TGM7: variants seen among roughly 807,000 people sequenced by gnomAD.
TGM7 encodes protein-glutamine gamma-glutamyltransferase Z.
A neutral mutation model predicts 79.5 loss-of-function variants in TGM7; 74 were observed. That is an observed-to-expected ratio of 0.93 (90% CI 0.77 to 1.13). The LOEUF (loss-of-function observed/expected upper bound fraction) is 1.13. TGM7 is among the 50% of genes most tolerant of loss of function. TGM7 has a pLI of 0.00. For missense variants in TGM7, 912 were observed against 905.9 expected, an observed-to-expected ratio of 1.01 and a Z score of -0.09; for synonymous variants, 354 against 362.5, an observed-to-expected ratio of 0.98 and a Z score of 0.27.
At position 43,284,804 on chromosome 15, in the gene TGM7, T is replaced by A. The variant is rs374040587; in HGVS notation, c.1004+10A>T. On this transcript the variant is annotated intron_variant, in intron 7 of 12. Transcript: ENST00000452443. Reference sequence around the variant, plus strand: ...CAAAGCAGAGATCTGTTCAAGACAGTGCCTCTCACCATATTTTGTCTCGTT... The same window carrying A: ...CAAAGCAGAGATCTGTTCAAGACAGAGCCTCTCACCATATTTTGTCTCGTT... The A allele has an allele frequency of 1.5e-5, 24 of 1,614,056 alleles. 1 individual carries two copies. Among genetic ancestry groups the A allele is most frequent in the African/African-American group, 2.7e-5 (2 of 74,938 alleles).
chr15:43,284,893 CGTT>C lies in TGM7; in HGVS notation c.922_924del (p.Asn308del). ...GTATCGATGGTCAAGTTCCTATCCA[CGTT>C]GTGCGCGGAACGGAAATTGGAAACA... On this transcript the variant is annotated inframe_deletion, in exon 7 of 13. Transcript: ENST00000452443. 1 of 1,614,174 alleles carries C rather than the reference CGTT, an allele frequency of 6.2e-7. No individual in the cohort carries two copies. The highest frequency in any genetic ancestry group is 1.1e-5 in the South Asian group (1 of 91,076).
intron 1 of TGM7, among the ~76,000 whole-genome samples, chr15:43,293,857 T>G (rs1433380818): frequency 1.3e-3 from 16 of 12,002 alleles, no homozygotes; most frequent in South Asian, 5.0e-3. Context: ...GGGGGTGGGG[T>G]GTGCTGGGGA....
intron 8 of TGM7, 83 bp downstream of exon 8, chr15:43,282,434 T>A (rs1023019322): frequency 8.1e-7 from 1 of 1,242,022 alleles, no homozygotes; most frequent in African/African-American, 1.5e-5. Context: ...ACGCTGCTCC[T>A]CCCTGGTCTC....
Position 43,292,877 on chromosome 15 carries a change from C to T in TGM7, c.271G>A (p.Ala91Thr), listed in dbSNP as rs767198692. ...TRVQPGNVWS[A>T]SDFTIDSNSL... ...TTGGAGTCAATGGTGAAATCAGAAGCGCTCCAGACATTCCCGGGCTGGACC... is the reference window on the plus strand; with the variant it reads ...TTGGAGTCAATGGTGAAATCAGAAGTGCTCCAGACATTCCCGGGCTGGACC... The change falls in exon 3 of 13, where the codon GCT becomes ACT. Residue 91 changes from alanine (A) to threonine (T), a missense_variant. By Grantham distance (58) the Ala-to-Thr change is moderately conservative. Transcript: ENST00000452443. 48 of 1,613,858 alleles carry T rather than the reference C, an allele frequency of 3.0e-5. 1 individual carries two copies. In the South Asian group the frequency reaches 3.8e-4, roughly 13 times the overall value.
chr15:43,281,938 G>A lies in TGM7; in HGVS notation c.1257C>T (p.Ala419=). 1 of 1,614,176 alleles carries A rather than the reference G, an allele frequency of 6.2e-7. No individual in the cohort carries two copies. The highest frequency in any genetic ancestry group is 8.5e-7 in the Non-Finnish European group (1 of 1,180,032). The change falls in exon 9 of 13, where the codon GCC becomes GCT. Residue 419 remains alanine, a synonymous_variant. Coordinates refer to ENST00000452443, the MANE Select transcript of TGM7 (RefSeq NM_052955.3). The stretch of plus-strand genomic sequence containing the variant: ...CCTTCCCGATGGAACTGGTGTTGTG[G>A]GCCAGGATTTCCTGGGCCTGGCCAT... ...LGDGQAQEIL[A]HNTSSIGKEI... is the part of the protein sequence containing the mutation.
chr15:43,277,037 C>T lies in TGM7; in HGVS notation c.1840-42G>A, dbSNP rs200939176. 8 of 1,603,292 alleles carry T rather than the reference C, an allele frequency of 5.0e-6. No individual in the cohort carries two copies. The Admixed American group carries it at 6.8e-5, about 14-fold the overall frequency. ...CAGCAATCCCATGGGCAACTGGCCT[C>T]GCTTCTGCACTCTGGTTCAGTTACC... On this transcript the variant is annotated intron_variant, in intron 11 of 12. Coordinates refer to ENST00000452443, the MANE Select transcript of TGM7 (RefSeq NM_052955.3).
rs934035706 is a variant in TGM7, at chr15:43,279,122, T to C, written c.1834A>G (p.Ile612Val). 1.9e-6 allele frequency: 3 copies of C among 1,612,778 alleles called. No individual in the cohort carries two copies. The highest frequency in any genetic ancestry group is 1.3e-5 in the African/African-American group (1 of 74,848). Residue 612 changes from isoleucine (I) to valine (V), a missense_variant, in exon 11 of 13, where the codon ATT (isoleucine) becomes GTT (valine). Ile to Val is a conservative substitution (Grantham distance 29, BLOSUM62 3). Transcript: ENST00000452443. ...CACCCATGTCCAGACACTACCTCAATAGACAAGTGGGGAGGCTCCAGACAG... is the reference window on the plus strand; with the variant it reads ...CACCCATGTCCAGACACTACCTCAACAGACAAGTGGGGAGGCTCCAGACAG... ...DICLEPPHLS[I>V]EVSERAEVGK... is the part of the protein sequence containing the mutation.
At chr15:43,283,749 A>G (rs1255742899) in intron 7 of TGM7, among the ~76,000 whole-genome samples, 1 of 152,138 alleles carries the variant, frequency 6.6e-6, no homozygotes, top group Non-Finnish European at 1.5e-5. Context: ...CTAGGAGTCT[A>G]TCTGTGGATC....
chr15:43,285,106 A>G (rs748984409), intron 6 of TGM7, among the ~76,000 whole-genome samples, 154 bp from the exon 7 acceptor site: 1 of 152,188 alleles, frequency 6.6e-6, no homozygotes, highest in Non-Finnish European at 1.5e-5. Flanking sequence ...CCCCACACCC[A>G]GTCCCACAGC....
chr15:43,293,032 C>T (rs919159890), intron 2 of TGM7, 78 bp from the exon 3 acceptor site: 4 of 1,548,978 alleles, frequency 2.6e-6, no homozygotes, highest in East Asian at 2.3e-5. Flanking sequence ...TCGGAAGGAC[C>T]GTCACCTTCT....
chr15:43,296,904 T>G (rs2042994838), intron 1 of TGM7, among the ~76,000 whole-genome samples: 1 of 151,218 alleles, frequency 6.6e-6, no homozygotes, highest in South Asian at 2.1e-4. Flanking sequence ...AAGGGAAGGG[T>G]TTTCAAAAGC....
rs755075528 is a variant in TGM7 at position 43,279,248 on chromosome 15, T to C, written c.1708A>G (p.Ser570Gly). 1 of 1,614,110 alleles carries C rather than the reference T, an allele frequency of 6.2e-7. No homozygotes were observed. The highest frequency in any genetic ancestry group is 8.5e-7 in the Non-Finnish European group (1 of 1,180,024). Reference protein sequence around the residue: ...ETQWPLLLPYSNYRNKLTDEK... With the variant: ...ETQWPLLLPYGNYRNKLTDEK... ...TCCGTTAGCTTGTTTCTGTAATTGC[T>C]GTAGGGCAGGAGGAGCGGCCACTGT... The change falls in exon 11 of 13, where the codon AGC (serine) becomes GGC (glycine). Residue 570 changes from serine to glycine, a missense_variant. Transcript: ENST00000452443.
chr15:43,291,811 T>C (rs576788117), intron 4 of TGM7, among the ~76,000 whole-genome samples, 168 bp downstream of exon 4: 1 of 152,334 alleles, frequency 6.6e-6, no homozygotes, highest in South Asian at 2.1e-4. Flanking sequence ...CACCCCTTCC[T>C]TCCTTGCCCC....
chr15:43,286,445 C>G (rs2042936104), intron 6 of TGM7, among the ~76,000 whole-genome samples: 1 of 152,190 alleles, frequency 6.6e-6, no homozygotes, highest in Non-Finnish European at 1.5e-5. Flanking sequence ...CATTTCACAC[C>G]TGGGCAAAGT....
chr15:43,277,742 T>C (rs779758383), intron 11 of TGM7, among the ~76,000 whole-genome samples: 5 of 152,292 alleles, frequency 3.3e-5, no homozygotes, highest in Admixed American at 6.5e-5. Flanking sequence ...CGTGTTGAAC[T>C]GAAATGAGCT....
rs1269783685 is a variant in TGM7, at chr15:43,284,907, C to T, written c.911G>A (p.Arg304His). 6.2e-7 allele frequency: 1 copy of T among 1,614,082 alleles called. No homozygotes were observed. The highest frequency in any genetic ancestry group is 8.5e-7 in the Non-Finnish European group (1 of 1,179,994). ...GTTCCTATCCACGTTGTGCGCGGAA[C>T]GGAAATTGGAAACAACACGGGTTGG... ...GVPTRVVSNF[R>H]SAHNVDRNLT... is the part of the protein sequence containing the mutation. Residue 304 changes from arginine (R) to histidine (H), a missense_variant, in exon 7 of 13, where the codon CGT becomes CAT. Physicochemically the swap from Arg to His is conservative, Grantham distance 29. Coordinates refer to ENST00000452443, the MANE Select transcript of TGM7 (RefSeq NM_052955.3).
chr15:43,294,348 G>A (rs1369833479), intron 1 of TGM7, among the ~76,000 whole-genome samples: 3 of 152,216 alleles, frequency 2.0e-5, no homozygotes, highest in Non-Finnish European at 2.9e-5. Flanking sequence ...TCATAGCACA[G>A]TAGGCAGTGG....
chr15:43,281,802 A>G (rs1241811048), intron 9 of TGM7, 42 bp downstream of exon 9: 1 of 1,602,302 alleles, frequency 6.2e-7, no homozygotes, highest in African/African-American at 1.3e-5. Context: ...AGCATCACAA[A>G]GAAGCTTAAA....
rs1428152388 is a variant in TGM7, at chr15:43,292,949, T to C, written c.199A>G (p.Lys67Glu). 1.2e-6 allele frequency: 2 copies of C among 1,613,182 alleles called. No individual in the cohort carries two copies. Among genetic ancestry groups the C allele is most frequent in the East Asian group, 4.5e-5 (2 of 44,878 alleles). ...CGGGTCCCCAGCAGCTCTGACGGCT[T>C]GGGTCCTGTGTAGGAGAGAATGACC... Reference protein sequence around the residue: ...HITFVAETGPKPSELLGTRAT... With the variant: ...HITFVAETGPEPSELLGTRAT... Residue 67 changes from lysine (K) to glutamate (E), a missense_variant, in exon 3 of 13, where the codon AAG becomes GAG. Coordinates refer to ENST00000452443, the MANE Select transcript of TGM7 (RefSeq NM_052955.3).
Sources: gnomAD v4.1 joint callset for allele counts (sites outside exome capture counted in the v4.1 genomes callset) on GRCh38, gnomAD v4.1.1 for gene constraint, MANE v1.5 for transcripts, NCBI Gene and HGNC (gene_info 2026-07-23, HGNC 2026-07-21) for gene names.